Variants in VWA3B observed in about 807,000 individuals in gnomAD.
The protein encoded by VWA3B is von Willebrand factor A domain-containing protein 3B.
A neutral mutation model predicts 158.3 loss-of-function variants in VWA3B; 138 were observed. That is an observed-to-expected ratio of 0.87 (90% CI 0.76 to 1.00). The LOEUF (loss-of-function observed/expected upper bound fraction) is 1.00. Among genes scored for constraint, VWA3B ranks in the 50% least tolerant of loss-of-function variants. VWA3B has a pLI of 0.00. For missense variants in VWA3B, 1,555 were observed against 1,565.1 expected (o/e 0.99, Z 0.11); for synonymous variants, 596 against 587.3 (o/e 1.01, Z -0.21).
intron 8 of VWA3B, among the ~76,000 whole-genome samples, chr2:98,180,234 G>A (rs975271940): frequency 5.1e-5 from 7 of 137,730 alleles, no homozygotes; most frequent in Non-Finnish European, 7.6e-5. Context: ...TTGCTCTCTT[G>A]CCCAGGCTGG....
In VWA3B at chr2:98,125,458, C is replaced by T. The variant is rs1675280960; in HGVS notation, c.703-2781C>T. On this transcript the variant is annotated intron_variant, in intron 5 of 27. Coordinates refer to ENST00000477737, the MANE Select transcript of VWA3B (RefSeq NM_144992.5). This position sits in a 1 kb window ranked among gnomAD's most constrained non-coding sequence, Gnocchi z 4.1. ...CCAGCTTCAAGGCCAACTCAGTTTT[C>T]CTTTCCAAGCCTCAGTTTCTTCATC... 6.6e-6 allele frequency among the ~76,000 whole-genome samples: 1 copy of T among 152,226 alleles called. No individual in the cohort carries two copies. Among genetic ancestry groups the T allele is most frequent in the Non-Finnish European group, 1.5e-5 (1 of 68,044 alleles).
chr2:98,252,137 G>A (rs921568498), intron 20 of VWA3B, among the ~76,000 whole-genome samples: 3 of 151,922 alleles, frequency 2.0e-5, no homozygotes, highest in African/African-American at 2.4e-5. Flanking sequence ...TCCTCTCAGC[G>A]CCCACCCTTC....
chr2:98,253,442 G>A (rs575146921), intron 20 of VWA3B, among the ~76,000 whole-genome samples: 1 of 152,238 alleles, frequency 6.6e-6, no homozygotes, highest in East Asian at 1.9e-4. Flanking sequence ...TTTAAGAACC[G>A]AGGCAGCAAT....
At chr2:98,291,909 G>T (rs959768205) in intron 23 of VWA3B, 1 of 150,228 alleles carries the variant, frequency 6.7e-6, no homozygotes, top group South Asian at 2.2e-4. Context: ...AGGGAAAAGG[G>T]AACTGGGAGA....
chr2:98,153,469 A>T (rs1202091730), intron 7 of VWA3B, among the ~76,000 whole-genome samples: 2 of 152,212 alleles, frequency 1.3e-5, no homozygotes, highest in Non-Finnish European at 2.9e-5. Context: ...ACTAAATATT[A>T]TGAAACTGAG....
intron 14 of VWA3B, 89 bp from the exon 15 acceptor site, chr2:98,228,113 C>A (rs1456108279): frequency 7.0e-7 from 1 of 1,436,652 alleles, no homozygotes; most frequent in Non-Finnish European, 9.3e-7. Flanking sequence ...ACATAGTGAA[C>A]CTCTTGTCTC....
chr2:98,168,644 C>T (rs993668824), intron 8 of VWA3B, among the ~76,000 whole-genome samples: 1 of 152,048 alleles, frequency 6.6e-6, no homozygotes, highest in Admixed American at 6.5e-5. Context: ...TAAAAAGACA[C>T]ATACTGAACT....
At position 98,174,676 on chromosome 2, in the gene VWA3B, T is replaced by C. The variant is rs889290593; in HGVS notation, c.1115-6340T>C. Among the ~76,000 whole-genome samples, 3 of 152,178 alleles carry C rather than the reference T, an allele frequency of 2.0e-5. No homozygotes were observed. The East Asian group carries it at 5.8e-4, about 29-fold the overall frequency. On this transcript the variant is annotated intron_variant, in intron 8 of 27. Transcript: ENST00000477737. The stretch of plus-strand genomic sequence containing the variant: ...CTGAGGTATTCCTGGGAATCTATCA[T>C]GCATAGCCCAGGCAGGCACATGCAC...
intron 12 of VWA3B, among the ~76,000 whole-genome samples, chr2:98,209,873 G>C (rs1683360194): frequency 1.3e-5 from 2 of 152,188 alleles, no homozygotes; most frequent in South Asian, 4.1e-4. Flanking sequence ...CGCAGTCGCT[G>C]TGTTTGGGTG....
chr2:98,101,724 G>T (rs60884498), intron 2 of VWA3B, among the ~76,000 whole-genome samples: 37,043 of 151,856 alleles, frequency 0.24, 5,015 homozygotes, highest in African/African-American at 0.37. Flanking sequence ...ATGGACTACA[G>T]CCCTGTGCCA....
chr2:98,193,026 A>G lies in VWA3B; in HGVS notation c.1595A>G (p.Gln532Arg), dbSNP rs1306411597. The G allele has an allele frequency of 2.5e-6, 4 of 1,612,954 alleles. No individual in the cohort carries two copies. The highest frequency in any genetic ancestry group is 1.1e-5 in the South Asian group (1 of 90,816). The stretch of plus-strand genomic sequence containing the variant: ...GACTTGGTGAAGGACAAGATCATTC[A>G]GTTCATACAGGTTAGATGGAACTGT... ...KLDLVKDKII[Q>R]FIQEQLKYKS... Residue 532 changes from glutamine to arginine, a missense_variant, in exon 11 of 28, where the codon CAG (glutamine) becomes CGG (arginine). Physicochemically the swap from Gln to Arg is conservative, Grantham distance 43. Transcript: ENST00000477737.
At chr2:98,291,032 TGCCATAGA>T (rs1689465470) in intron 23 of VWA3B, 1 of 159,538 alleles carries the variant, frequency 6.3e-6, no homozygotes, top group Non-Finnish European at 1.4e-5. Flanking sequence ...TCAGATACAG[TGCCATAGA>T]GAAAAATCAA....
chr2:98,162,780 G>T (rs1306247527), intron 7 of VWA3B, 71 bp from the exon 8 acceptor site: 7 of 1,581,966 alleles, frequency 4.4e-6, no homozygotes, highest in Non-Finnish European at 5.1e-6. Flanking sequence ...AATGCGTCAG[G>T]CCTGCTAGGC....
chr2:98,163,048 C>G, intron 8 of VWA3B, 72 bp downstream of exon 8: 1 of 1,586,900 alleles, frequency 6.3e-7, no homozygotes, highest in Non-Finnish European at 8.6e-7. Flanking sequence ...GGGCTGCTTC[C>G]ATGTTCCTGA....
intron 11 of VWA3B, 93 bp from the exon 12 acceptor site, chr2:98,194,268 C>G (rs983303062): frequency 1.8e-5 from 23 of 1,300,958 alleles, no homozygotes; most frequent in African/African-American, 4.4e-5. Context: ...AAAATAGAGA[C>G]CATCATGATT....
At position 98,290,544 on chromosome 2, in the gene VWA3B, A is replaced by T; in HGVS notation, c.3079A>T (p.Thr1027Ser). 2.5e-6 allele frequency: 4 copies of T among 1,583,758 alleles called. No individual in the cohort carries two copies. Among genetic ancestry groups the T allele is most frequent in the Non-Finnish European group, 3.4e-6 (4 of 1,172,242 alleles). ...QKLQGNPTKKTKSKRPDPLKG... is the reference protein window; with the variant it reads ...QKLQGNPTKKSKSKRPDPLKG... Reference sequence around the variant, plus strand: ...ATTGCAAGGAAATCCAACAAAGAAAACCAAATCAAAAAGACCAGATCCCCT... The same window carrying T: ...ATTGCAAGGAAATCCAACAAAGAAATCCAAATCAAAAAGACCAGATCCCCT... The change falls in exon 23 of 28, where the codon ACC becomes TCC. Residue 1027 changes from threonine (T) to serine (S), a missense_variant. Physicochemically the swap from Thr to Ser is moderately conservative, Grantham distance 58 (BLOSUM62 1). Transcript: ENST00000477737.
intron 5 of VWA3B, among the ~76,000 whole-genome samples, chr2:98,126,842 C>T (rs1194130448): frequency 6.6e-6 from 1 of 152,176 alleles, no homozygotes; most frequent in Non-Finnish European, 1.5e-5. Context: ...CTGTCCTTCT[C>T]CTAAGTCCCA....
At chr2:98,141,848 A>T (rs1024670828) in intron 7 of VWA3B, among the ~76,000 whole-genome samples, 1 of 152,188 alleles carries the variant, frequency 6.6e-6, no homozygotes, top group African/African-American at 2.4e-5. Context: ...TCATGGTCTT[A>T]GCTGTCCCCT....
At chr2:98,182,876 C>A (rs1361739707) in intron 9 of VWA3B, among the ~76,000 whole-genome samples, 4 of 152,142 alleles carry the variant, frequency 2.6e-5, no homozygotes, top group Non-Finnish European at 4.4e-5. Context: ...CCATTGCACT[C>A]CAGCCTGGGC....
Sources: gnomAD v4.1 joint callset for allele counts (sites outside exome capture counted in the v4.1 genomes callset) on GRCh38, gnomAD v4.1.1 for gene constraint, Gnocchi (gnomAD v3.1) non-coding constraint, MANE v1.5 for transcripts, NCBI Gene and HGNC (gene_info 2026-07-23, HGNC 2026-07-21) for gene names.